The following UMAD1 variants were observed in gnomAD, a reference collection of about 807,000 sequenced individuals.
UMAD1 encodes UBAP1-MVB12-associated (UMA)-domain containing protein 1.
A neutral mutation model predicts 6.1 loss-of-function variants in UMAD1; 8 were observed. The ratio of observed to expected loss-of-function variants is 1.30; its 90% CI spans 0.76 to 2.35. UMAD1 has a LOEUF of 2.35. Among genes scored for constraint, UMAD1 ranks in the 30% most tolerant of loss-of-function variants. The pLI is 0.00. For synonymous variants in UMAD1, 56 were observed against 31.4 expected (o/e 1.78, Z -2.61); for missense variants, 130 against 78.4 (o/e 1.66, Z -2.49).
chr7:7,874,227 A>T (rs919336134), intron 3 of UMAD1, among the ~76,000 whole-genome samples: 2 of 152,144 alleles, frequency 1.3e-5, no homozygotes, highest in Admixed American at 1.3e-4. Context: ...TCCAAAATCC[A>T]ACCATTTTAT....
chr7:7,823,106 A>G (rs994880802), intron 3 of UMAD1, among the ~76,000 whole-genome samples: 2 of 152,108 alleles, frequency 1.3e-5, no homozygotes, highest in Admixed American at 1.3e-4. Flanking sequence ...TGAGATCCCA[A>G]TGTTGTTGGG....
At chr7:7,836,416 G>C (rs74487544) in intron 3 of UMAD1, among the ~76,000 whole-genome samples, 7,871 of 151,918 alleles carry the variant, frequency 0.052, 411 homozygotes, top group East Asian at 0.17. Flanking sequence ...TTCATTAGTA[G>C]GGAATATGTT....
chr7:7,781,365 C>T (rs1196751805), intron 2 of UMAD1, among the ~76,000 whole-genome samples: 1 of 151,624 alleles, frequency 6.6e-6, no homozygotes, highest in Non-Finnish European at 1.5e-5. Flanking sequence ...ATTCTTGCTC[C>T]TCTTTCTTTT....
At chr7:7,856,348 A>C (rs1784017516) in intron 3 of UMAD1, among the ~76,000 whole-genome samples, 1 of 152,246 alleles carries the variant, frequency 6.6e-6, no homozygotes, top group Admixed American at 6.5e-5. Context: ...CAGTCATGGT[A>C]GAAGGCACCT....
intron 3 of UMAD1, among the ~76,000 whole-genome samples, chr7:7,813,612 C>G (rs1450572720): frequency 6.8e-6 from 1 of 148,010 alleles, no homozygotes; most frequent in Non-Finnish European, 1.5e-5. Context: ...TAAAAAAAAG[C>G]ATATGAAAAC....
At chr7:7,685,372 C>G (rs1199066682) in intron 2 of UMAD1, among the ~76,000 whole-genome samples, 1 of 149,316 alleles carries the variant, frequency 6.7e-6, no homozygotes, top group Non-Finnish European at 1.5e-5. Context: ...TGCAGTGGTG[C>G]CATCTCAGCT....
chr7:7,693,321 A>ATCTATCTG (rs1780223974), intron 2 of UMAD1, among the ~76,000 whole-genome samples: 2 of 151,934 alleles, frequency 1.3e-5, no homozygotes, highest in Admixed American at 6.6e-5. Context: ...CTATCTATCT[A>ATCTATCTG]TCTATCTATC....
intron 1 of UMAD1, among the ~76,000 whole-genome samples, chr7:7,653,091 G>A (rs1041987464): frequency 3.9e-5 from 6 of 152,264 alleles, no homozygotes; most frequent in Non-Finnish European, 8.8e-5. Context: ...TATGATATTT[G>A]TTTTATGTGG....
At chr7:7,873,471 A>G (rs1784364879) in intron 3 of UMAD1, among the ~76,000 whole-genome samples, 1 of 152,218 alleles carries the variant, frequency 6.6e-6, no homozygotes, top group Non-Finnish European at 1.5e-5. Context: ...GGTGAGTCCC[A>G]ATTAGATTTC....
At chr7:7,663,652 C>G (rs1175845476) in intron 1 of UMAD1, among the ~76,000 whole-genome samples, 3 of 152,160 alleles carry the variant, frequency 2.0e-5, no homozygotes, top group African/African-American at 7.2e-5. Flanking sequence ...AAGGAGAGAA[C>G]TAGTGAGATA....
At chr7:7,713,721 A>G (rs1780822980) in intron 2 of UMAD1, among the ~76,000 whole-genome samples, 1 of 152,086 alleles carries the variant, frequency 6.6e-6, no homozygotes, top group African/African-American at 2.4e-5. Context: ...TAATATGTTC[A>G]TTAATAATGC....
chr7:7,764,318 TGCTGAAAGAATAGAA>T (rs1781946747), intron 2 of UMAD1, among the ~76,000 whole-genome samples: 1 of 152,178 alleles, frequency 6.6e-6, no homozygotes, highest in Admixed American at 6.5e-5. Flanking sequence ...ATATATTGAG[TGCTGAAAGAATAGAA>T]GCTGCAGTTC....
At chr7:7,820,493 T>C (rs967242240) in intron 3 of UMAD1, among the ~76,000 whole-genome samples, 3 of 152,212 alleles carry the variant, frequency 2.0e-5, no homozygotes, top group Non-Finnish European at 4.4e-5. Context: ...TTTTAAAATA[T>C]TATGTCTTTT....
At chr7:7,714,318 T>C (rs1780838365) in intron 2 of UMAD1, among the ~76,000 whole-genome samples, 1 of 152,266 alleles carries the variant, frequency 6.6e-6, no homozygotes, top group South Asian at 2.1e-4. Flanking sequence ...GAGCAGACTT[T>C]CTTTGGCTGC....
chr7:7,788,901 C>T (rs1018831558), intron 2 of UMAD1, among the ~76,000 whole-genome samples: 2 of 152,154 alleles, frequency 1.3e-5, no homozygotes, highest in South Asian at 2.1e-4. Context: ...TACACATATT[C>T]GCCCTGAAAT....
rs949221608 is a variant in UMAD1 at position 7,809,020 on chromosome 7, A to C, written c.156+7277A>C. Among the ~76,000 whole-genome samples the C allele has an allele frequency of 6.6e-5, 10 of 152,010 alleles. 1 individual carries two copies. Among genetic ancestry groups the C allele is most frequent in the African/African-American group, 2.2e-4 (9 of 41,454 alleles). ...TTCCCCCAACTTCTGTTACCAAAGT[A>C]ACTTATTGCATATTTAATATAAATT... On this transcript the variant is annotated intron_variant, in intron 3 of 3. Coordinates refer to ENST00000682710, the MANE Select transcript of UMAD1 (RefSeq NM_001302348.2).
At chr7:7,690,281 A>AT (rs1006618968) in intron 2 of UMAD1, among the ~76,000 whole-genome samples, 19 of 150,474 alleles carry the variant, frequency 1.3e-4, no homozygotes, top group Admixed American at 8.6e-4. Flanking sequence ...TGAAACCATA[A>AT]TTTTTTTTTT....
intron 2 of UMAD1, among the ~76,000 whole-genome samples, chr7:7,753,474 G>A (rs937900205): frequency 6.6e-6 from 1 of 152,016 alleles, no homozygotes; most frequent in Non-Finnish European, 1.5e-5. Flanking sequence ...ATTTCCATAA[G>A]TTCAATTGTT....
intron 3 of UMAD1, among the ~76,000 whole-genome samples, chr7:7,824,213 C>T (rs750979125): frequency 5.9e-5 from 9 of 152,102 alleles, no homozygotes; most frequent in Non-Finnish European, 8.8e-5. Context: ...GATATTCCTT[C>T]CTCCAGCCTC....
Sources: gnomAD v4.1 joint callset for allele counts (sites outside exome capture counted in the v4.1 genomes callset) on GRCh38, gnomAD v4.1.1 for gene constraint, MANE v1.5 for transcripts, NCBI Gene and HGNC (gene_info 2026-07-23, HGNC 2026-07-21) for gene names.